OXR1: variants seen among roughly 807,000 people sequenced by gnomAD.
OXR1 encodes the protein oxidation resistance protein 1.
A neutral mutation model predicts 104.6 loss-of-function variants in OXR1; 41 were observed. The ratio of observed to expected loss-of-function variants is 0.39; its 90% CI spans 0.31 to 0.51. OXR1 has a LOEUF of 0.51. Among genes scored for constraint, OXR1 ranks in the 20% least tolerant of loss-of-function variants. OXR1 has a pLI of 0.77. For synonymous variants in OXR1, 348 were observed against 348.4 expected, an observed-to-expected ratio of 1.00 and a Z score of 0.01; for missense variants, 955 against 1,031.9, an observed-to-expected ratio of 0.93 and a Z score of 1.02.
intron 1 of OXR1, among the ~76,000 whole-genome samples, chr8:106,273,411 C>A (rs1400474848): frequency 6.6e-6 from 1 of 152,170 alleles, no homozygotes; most frequent in African/African-American, 2.4e-5. Flanking sequence ...CCACTGGGGG[C>A]AGTTTTACCC....
chr8:106,302,217 C>T (rs1269014042), intron 1 of OXR1, among the ~76,000 whole-genome samples: 3 of 152,046 alleles, frequency 2.0e-5, no homozygotes, highest in Non-Finnish European at 4.4e-5. Flanking sequence ...TATTTGAATT[C>T]AACAATTTGT....
At chr8:106,428,635 T>C (rs940864802) in intron 2 of OXR1, among the ~76,000 whole-genome samples, 1 of 151,264 alleles carries the variant, frequency 6.6e-6, no homozygotes, top group Non-Finnish European at 1.5e-5. Flanking sequence ...AAACATCTAG[T>C]TGACAAACTG....
chr8:106,641,148 AGC>A (rs1456740493), intron 3 of OXR1, among the ~76,000 whole-genome samples: 1 of 152,224 alleles, frequency 6.6e-6, no homozygotes, highest in African/African-American at 2.4e-5. Context: ...TTTTGCACAC[AGC>A]TGTCTTCTTC....
chr8:106,740,243 G>A (rs1395748739), intron 13 of OXR1, 100 bp from the exon 14 acceptor site: 98 of 738,952 alleles, frequency 1.3e-4, no homozygotes, highest in Non-Finnish European at 2.9e-5. Flanking sequence ...TATTTTTATA[G>A]CCTATATTAT....
chr8:106,561,455 A>G (rs1435423959), intron 3 of OXR1, among the ~76,000 whole-genome samples: 1 of 152,172 alleles, frequency 6.6e-6, no homozygotes, highest in Non-Finnish European at 1.5e-5. Context: ...GTCATCTCTG[A>G]AAGAAAGGCA....
chr8:106,624,912 A>C (rs1822022675), intron 3 of OXR1, among the ~76,000 whole-genome samples: 1 of 151,958 alleles, frequency 6.6e-6, no homozygotes, highest in Non-Finnish European at 1.5e-5. Flanking sequence ...CCACCTCAAC[A>C]CACTAAGGAG....
chr8:106,394,180 A>G (rs1353273326), intron 2 of OXR1, among the ~76,000 whole-genome samples: 4 of 152,022 alleles, frequency 2.6e-5, no homozygotes, highest in African/African-American at 2.4e-5. Context: ...ATTTTCAGCT[A>G]TTGACACACA....
intron 3 of OXR1, among the ~76,000 whole-genome samples, chr8:106,661,817 A>G (rs916861843): frequency 1.3e-5 from 2 of 152,176 alleles, no homozygotes; most frequent in Non-Finnish European, 2.9e-5. Context: ...TAAAAATTTC[A>G]GTCTCATATT....
intron 11 of OXR1, among the ~76,000 whole-genome samples, chr8:106,732,396 G>C (rs766444246): frequency 6.6e-6 from 1 of 151,896 alleles, no homozygotes; most frequent in Admixed American, 6.6e-5. Flanking sequence ...TTGTCTTATT[G>C]CATTAGCTAG....
intron 2 of OXR1, among the ~76,000 whole-genome samples, chr8:106,486,438 G>T (rs1405160757): frequency 6.7e-6 from 1 of 148,922 alleles, no homozygotes; most frequent in African/African-American, 2.4e-5. Flanking sequence ...ATGTCAAGAA[G>T]TAAGACATAT....
At chr8:106,476,593 T>C (rs916417088) in intron 2 of OXR1, among the ~76,000 whole-genome samples, 1 of 151,786 alleles carries the variant, frequency 6.6e-6, no homozygotes, top group South Asian at 2.1e-4. Flanking sequence ...GTGGCATTTT[T>C]CCCCCCAGAA....
intron 2 of OXR1, among the ~76,000 whole-genome samples, chr8:106,465,108 G>T (rs1300841728): frequency 6.6e-6 from 1 of 151,934 alleles, no homozygotes; most frequent in Non-Finnish European, 1.5e-5. Context: ...TAAAATGTTG[G>T]GTGGGGTGAC....
intron 2 of OXR1, among the ~76,000 whole-genome samples, chr8:106,511,871 G>A (rs1164470103): frequency 6.6e-6 from 1 of 152,070 alleles, no homozygotes; most frequent in Non-Finnish European, 1.5e-5. Flanking sequence ...CTACTTTCTA[G>A]TTCCATTACT....
chr8:106,633,789 A>G (rs1249680975), intron 3 of OXR1, among the ~76,000 whole-genome samples: 1 of 152,228 alleles, frequency 6.6e-6, no homozygotes, highest in Non-Finnish European at 1.5e-5. Flanking sequence ...CAGAATGTAC[A>G]TTGCTGTTTT....
intron 3 of OXR1, among the ~76,000 whole-genome samples, chr8:106,667,913 A>G (rs1365535136): frequency 6.6e-6 from 1 of 151,608 alleles, no homozygotes; most frequent in African/African-American, 2.4e-5. Context: ...GATAATACTT[A>G]TTCACCACAA....
intron 2 of OXR1, among the ~76,000 whole-genome samples, chr8:106,490,785 C>G (rs768896046): frequency 6.6e-6 from 1 of 151,976 alleles, no homozygotes; most frequent in Non-Finnish European, 1.5e-5. Flanking sequence ...CAAGAGTAAG[C>G]CTTCTATTCT....
At chr8:106,400,772 T>A (rs1817967779) in intron 2 of OXR1, among the ~76,000 whole-genome samples, 1 of 152,128 alleles carries the variant, frequency 6.6e-6, no homozygotes, top group Admixed American at 6.6e-5. Flanking sequence ...AGAGACAGAG[T>A]ATCTAATTGC....
chr8:106,719,188 G>GT (rs1396354454), intron 11 of OXR1, among the ~76,000 whole-genome samples: 1 of 152,126 alleles, frequency 6.6e-6, no homozygotes, highest in Non-Finnish European at 1.5e-5. Context: ...ATTACTTTCT[G>GT]TTTTTTGATA....
rs60404483 is a variant in OXR1 at position 106,671,044 on chromosome 8, C to CAAAA, written c.221-8150_221-8147dup. The stretch of plus-strand genomic sequence containing the variant: ...TGGGTGACAGAGTGAGACTCTGTCT[C>CAAAA]AAAAAAAAAAAAAAAAAAAGAATGG... On this transcript the variant is annotated intron_variant, in intron 3 of 16. Transcript: ENST00000517566. Among the ~76,000 whole-genome samples, 74 of 48,940 alleles carry CAAAA rather than the reference C, an allele frequency of 1.5e-3. 5 individuals carry two copies. Among genetic ancestry groups the CAAAA allele is most frequent in the Non-Finnish European group, 1.6e-3 (47 of 28,700 alleles). 32.1% of individuals were successfully genotyped at this position (48,940 alleles called of 152,430 possible). A position where few individuals can be genotyped will look rare whatever the true frequency, so the allele number is the denominator to read the frequency against.
Sources: gnomAD v4.1 joint callset for allele counts (sites outside exome capture counted in the v4.1 genomes callset) on GRCh38, gnomAD v4.1.1 for gene constraint, MANE v1.5 for transcripts, NCBI Gene and HGNC (gene_info 2026-07-23, HGNC 2026-07-21) for gene names.